The following PTPRN2 variants were observed in gnomAD, a reference collection of about 807,000 sequenced individuals.
PTPRN2 encodes the protein receptor-type tyrosine-protein phosphatase N2.
Under a neutral mutation model 118.8 loss-of-function variants are expected in PTPRN2, and 74 were observed. That is an observed-to-expected ratio of 0.62 (90% confidence interval 0.52 to 0.76). PTPRN2 has a LOEUF of 0.76. Ranked by LOEUF, PTPRN2 falls within the 30% of genes least tolerant of loss-of-function variation. The probability of loss-of-function intolerance (pLI) is 0.00; values close to 1 mark genes in which losing one functional copy is unlikely to be tolerated. For synonymous variants in PTPRN2, 641 were observed against 608.0 expected (o/e 1.05, Z -0.80); for missense variants, 1,481 against 1,394.4 (o/e 1.06, Z -0.99).
At chr7:157,867,677 C>A (rs1176924701) in intron 12 of PTPRN2, among the ~76,000 whole-genome samples, 2 of 152,214 alleles carry the variant, frequency 1.3e-5, no homozygotes, top group African/African-American at 2.4e-5. Context: ...GAACTAGATT[C>A]ACGTAAATCA....
chr7:157,648,829 C>T (rs1356093781), intron 14 of PTPRN2, among the ~76,000 whole-genome samples: 15 of 144,738 alleles, frequency 1.0e-4, no homozygotes, highest in Non-Finnish European at 1.8e-4. Flanking sequence ...GCACTGAACT[C>T]GGTGGGTCGG....
At chr7:158,103,371 GC>G (rs1404484562) in intron 10 of PTPRN2, among the ~76,000 whole-genome samples, 1 of 152,200 alleles carries the variant, frequency 6.6e-6, no homozygotes, top group Admixed American at 6.5e-5. Context: ...GAGGTAAAAA[GC>G]CTTAAAATAA....
intron 3 of PTPRN2, among the ~76,000 whole-genome samples, chr7:158,297,674 G>T (rs1184368859): frequency 6.6e-6 from 1 of 152,170 alleles, no homozygotes. Context: ...ACAGAGAATG[G>T]CCAATGTTTA....
rs944276649 is a variant in PTPRN2 at position 157,671,843 on chromosome 7, G to A, written c.2001+10882C>T. 6.6e-6 allele frequency among the ~76,000 whole-genome samples: 1 copy of A among 152,130 alleles called. No homozygotes were observed. Among genetic ancestry groups the A allele is most frequent in the East Asian group, 1.9e-4 (1 of 5,184 alleles). On this transcript the variant is annotated intron_variant, in intron 13 of 22. Coordinates refer to ENST00000389418, the MANE Select transcript of PTPRN2 (RefSeq NM_002847.5). This position sits in a 1 kb window ranked among gnomAD's most constrained non-coding sequence, Gnocchi z 4.1. ...AGACCCCCGAAGGCCAGGGTCTGGG[G>A]GCCTGCTGGGAATCCCGGTCTCAGA...
chr7:158,084,666 C>A (rs933745949), intron 10 of PTPRN2, among the ~76,000 whole-genome samples: 16 of 150,960 alleles, frequency 1.1e-4, no homozygotes, highest in Non-Finnish European at 2.4e-4. Flanking sequence ...CCTCGACGCC[C>A]ATCCACACCC....
intron 11 of PTPRN2, among the ~76,000 whole-genome samples, chr7:157,920,682 C>A (rs1368500095): frequency 6.6e-6 from 1 of 152,176 alleles, no homozygotes; most frequent in East Asian, 1.9e-4. Flanking sequence ...GGGGAAGGGA[C>A]CAGCTTTTCA....
At chr7:158,007,935 C>T (rs1412676328) in intron 11 of PTPRN2, among the ~76,000 whole-genome samples, 1 of 139,836 alleles carries the variant, frequency 7.2e-6, no homozygotes, top group Admixed American at 7.2e-5. Context: ...GTGTGTGTGG[C>T]TGTGCTGTGT....
At chr7:157,836,714 A>G (rs895137737) in intron 12 of PTPRN2, among the ~76,000 whole-genome samples, 1 of 152,172 alleles carries the variant, frequency 6.6e-6, no homozygotes, top group South Asian at 2.1e-4. Context: ...GTATTTTAAC[A>G]AAAATATGAT....
In PTPRN2 at chr7:158,441,014, AGTCGTG is replaced by A. The variant is rs1207389722; in HGVS notation, c.163+48715_163+48720del. Among the ~76,000 whole-genome samples the A allele has an allele frequency of 7.3e-5, 8 of 109,850 alleles. 1 individual carries two copies. Among genetic ancestry groups the A allele is most frequent in the African/African-American group, 2.5e-4 (6 of 24,414 alleles). The allele number at this position is 109,850 out of a possible 152,430, so 72.1% of individuals were successfully genotyped here. On this transcript the variant is annotated intron_variant, in intron 2 of 22. Coordinates refer to ENST00000389418, the MANE Select transcript of PTPRN2 (RefSeq NM_002847.5). ...TGATGGCAGTGATGGGGGTGGTGGT[AGTCGTG>A]GTGGTGGTGACAGTGGTAGTAGTGA...
rs374134453 is a variant in PTPRN2 at position 157,754,163 on chromosome 7, C to T, written c.1789-71226G>A. 5.0e-4 allele frequency among the ~76,000 whole-genome samples: 76 copies of T among 152,352 alleles called. No individual in the cohort carries two copies. The South Asian group carries it at 0.011, about 22-fold the overall frequency. The stretch of plus-strand genomic sequence containing the variant: ...GGCTCAGGAAGAGCAGGGCCTGGTG[C>T]GGGCCCTTCCCGAGGAAGCCTGTGG... On this transcript the variant is annotated intron_variant, in intron 12 of 22. Coordinates refer to ENST00000389418, the MANE Select transcript of PTPRN2 (RefSeq NM_002847.5).
chr7:158,405,337 C>G (rs1019368896), intron 2 of PTPRN2, among the ~76,000 whole-genome samples: 10 of 152,222 alleles, frequency 6.6e-5, no homozygotes, highest in African/African-American at 2.4e-4. Flanking sequence ...GGAAAACTCT[C>G]TGAAAGCTTC....
chr7:158,500,831 C>T (rs765531333), intron 1 of PTPRN2, among the ~76,000 whole-genome samples: 3 of 152,266 alleles, frequency 2.0e-5, no homozygotes, highest in Non-Finnish European at 4.4e-5. Flanking sequence ...GCCCAGTCCC[C>T]GAGTTTCTGA....
chr7:158,081,292 C>T lies in PTPRN2; in HGVS notation c.1723+6G>A. The T allele has an allele frequency of 6.2e-7, 1 of 1,613,092 alleles. No homozygotes were observed. Among genetic ancestry groups the T allele is most frequent in the Non-Finnish European group, 8.5e-7 (1 of 1,179,138 alleles). On this transcript the variant is annotated splice_donor_region_variant and intron_variant, in intron 11 of 22. Coordinates refer to ENST00000389418, the MANE Select transcript of PTPRN2 (RefSeq NM_002847.5). ...TGCGTGTACGTGTGTGTGGAAACAGCCTCACCTGTGGCCTTCTCCACATCC... is the reference window on the plus strand; with the variant it reads ...TGCGTGTACGTGTGTGTGGAAACAGTCTCACCTGTGGCCTTCTCCACATCC...
intron 6 of PTPRN2, among the ~76,000 whole-genome samples, chr7:158,155,703 TCACCG>T: frequency 7.4e-6 from 1 of 135,868 alleles, no homozygotes; most frequent in East Asian, 2.2e-4. Context: ...AGCACTATCA[TCACCG>T]TCAACACCAT....
intron 21 of PTPRN2, among the ~76,000 whole-genome samples, chr7:157,567,759 A>G (rs1456543068): frequency 1.3e-5 from 2 of 152,214 alleles, no homozygotes; most frequent in African/African-American, 4.8e-5. Flanking sequence ...CAGCTGGGAA[A>G]GAGACCGTAG....
intron 13 of PTPRN2, among the ~76,000 whole-genome samples, chr7:157,656,839 ACAC>A (rs796799858): frequency 8.4e-6 from 1 of 119,160 alleles, no homozygotes; most frequent in Admixed American, 8.9e-5. Flanking sequence ...ATATACACAC[ACAC>A]ACCACACACA....
rs1264488115 is a variant in PTPRN2, at chr7:157,877,641, G to A, written c.1788+21032C>T. Among the ~76,000 whole-genome samples, 5 of 152,204 alleles carry A rather than the reference G, an allele frequency of 3.3e-5. No individual in the cohort carries two copies. In the South Asian group the frequency reaches 8.3e-4, roughly 25 times the overall value. On this transcript the variant is annotated intron_variant, in intron 12 of 22. Coordinates refer to ENST00000389418, the MANE Select transcript of PTPRN2 (RefSeq NM_002847.5). ...GAGGAAGGTGATGTCTCTGGACCCA[G>A]CATCAAAGCCCGGGTCTTGGTGGGT... is the stretch of plus-strand genomic sequence containing the variant.
intron 12 of PTPRN2, among the ~76,000 whole-genome samples, chr7:157,833,156 T>G (rs1352474997): frequency 2.0e-5 from 3 of 149,266 alleles, no homozygotes; most frequent in Non-Finnish European, 3.0e-5. Flanking sequence ...GATCGTAAAC[T>G]CGTTCAGGAA....
intron 13 of PTPRN2, among the ~76,000 whole-genome samples, chr7:157,667,597 G>A (rs1796207404): frequency 6.6e-6 from 1 of 152,216 alleles, no homozygotes; most frequent in Non-Finnish European, 1.5e-5. Context: ...TCCTGCTGAT[G>A]AGACCCTCTC....
Sources: allele counts gnomAD v4.1 joint callset (sites outside exome capture counted in the v4.1 genomes callset), GRCh38; gene constraint gnomAD v4.1.1; non-coding constraint Gnocchi (gnomAD v3.1); transcripts MANE v1.5; gene names NCBI Gene and HGNC (gene_info 2026-07-23, HGNC 2026-07-21).